SHCBP1L: variants seen among roughly 807,000 people sequenced by gnomAD.
SHCBP1L encodes the protein testicular spindle-associated protein SHCBP1L.
Under a neutral mutation model 62.5 loss-of-function variants are expected in SHCBP1L, and 67 were observed. The observed-to-expected ratio is 1.07, with a 90% CI of 0.88 to 1.31. SHCBP1L has a LOEUF of 1.31. Ranked by LOEUF, SHCBP1L falls within the 40% of genes most tolerant of loss-of-function variation. SHCBP1L has a pLI of 0.00. For missense variants in SHCBP1L, 823 were observed against 809.8 expected, an observed-to-expected ratio of 1.02 and a Z score of -0.20; for synonymous variants, 284 against 289.4, an observed-to-expected ratio of 0.98 and a Z score of 0.19.
chr1:182,903,260 T>C (rs752455690), intron 8 of SHCBP1L, 99 bp from the exon 9 acceptor site: 44 of 1,062,474 alleles, frequency 4.1e-5, no homozygotes, highest in Non-Finnish European at 5.2e-5. Context: ...ATTACCACTA[T>C]AAACATTGAG....
chr1:182,939,853 T>A (rs1651299683), intron 3 of SHCBP1L, among the ~76,000 whole-genome samples: 1 of 152,156 alleles, frequency 6.6e-6, no homozygotes, highest in Non-Finnish European at 1.5e-5. Flanking sequence ...CAAATTTGTA[T>A]GGGAGGAAAA....
chr1:182,924,759 A>G (rs890303304), intron 6 of SHCBP1L, among the ~76,000 whole-genome samples: 1 of 112,584 alleles, frequency 8.9e-6, no homozygotes, highest in East Asian at 2.6e-4. Flanking sequence ...AAAGAAAGAA[A>G]GAAAGAAAGA....
chr1:182,940,319 G>C lies in SHCBP1L; in HGVS notation c.770+10C>G. Reference sequence around the variant, plus strand: ...ATAAATTTAATTTTCAAAAGTAAAGGCCCTAATACCTGACAACTTCCAAGG... The same window carrying C: ...ATAAATTTAATTTTCAAAAGTAAAGCCCCTAATACCTGACAACTTCCAAGG... On this transcript the variant is annotated intron_variant, in intron 3 of 9. Coordinates refer to ENST00000367547, the MANE Select transcript of SHCBP1L (RefSeq NM_030933.4). 1 of 1,604,904 alleles carries C rather than the reference G, an allele frequency of 6.2e-7. No individual in the cohort carries two copies. The highest frequency in any genetic ancestry group is 8.5e-7 in the Non-Finnish European group (1 of 1,174,718).
rs1571364549 is a variant in SHCBP1L at position 182,952,431 on chromosome 1, C to T, written c.405+298G>A. 1.4e-4 allele frequency: 46 copies of T among 339,608 alleles called. No individual in the cohort carries two copies. The East Asian group carries it at 2.3e-3, about 17-fold the overall frequency. The allele number at this position is 339,608 out of a possible 1,614,324, so 21.0% of individuals were successfully genotyped here. A position where few individuals can be genotyped will look rare whatever the true frequency, so the allele number is the denominator to read the frequency against. ...AAAGGTACCAAGATTCATGCCTGTG[C>T]AATGATAAGGCCAATATATCTTCAT... On this transcript the variant is annotated intron_variant, in intron 1 of 9. Transcript: ENST00000367547.
intron 5 of SHCBP1L, among the ~76,000 whole-genome samples, chr1:182,936,130 G>GTTTTTTTTTTTTTTT (rs71127329): frequency 2.2e-4 from 14 of 63,986 alleles, no homozygotes; most frequent in Admixed American, 6.6e-4. Flanking sequence ...TTTGTTTTTT[G>GTTTTTTTTTTTTTTT]TTTTTTTTTT....
chr1:182,924,974 G>GAAAGAAAA lies in SHCBP1L; in HGVS notation c.1182+4672_1182+4673insTTTTCTTT, dbSNP rs1344712194. 3.0e-3 allele frequency among the ~76,000 whole-genome samples: 330 copies of GAAAGAAAA among 109,478 alleles called. 1 individual carries two copies. Among genetic ancestry groups the GAAAGAAAA allele is most frequent in the South Asian group, 9.2e-3 (31 of 3,356 alleles). 71.8% of individuals were successfully genotyped at this position (109,478 alleles called of 152,430 possible). A position where few individuals can be genotyped will look rare whatever the true frequency, so the allele number is the denominator to read the frequency against. The stretch of plus-strand genomic sequence containing the variant: ...AGAAAGAAAGAAAGAAAGAAAGAAA[G>GAAAGAAAA]AAAAAAAAAGGAAGAAGGAAAGGAA... On this transcript the variant is annotated intron_variant, in intron 6 of 9. Transcript: ENST00000367547.
At chr1:182,933,314 T>A (rs1394050286) in intron 5 of SHCBP1L, among the ~76,000 whole-genome samples, 1 of 152,222 alleles carries the variant, frequency 6.6e-6, no homozygotes, top group Non-Finnish European at 1.5e-5. Context: ...TTCCAATCTG[T>A]ATGCTTTTTA....
rs772984933 is a variant in SHCBP1L, at chr1:182,924,974, GAAAAAAA to G, written c.1182+4666_1182+4672del. ...AGAAAGAAAGAAAGAAAGAAAGAAA[GAAAAAAA>G]AAGGAAGAAGGAAAGGAAGGAAGAA... On this transcript the variant is annotated intron_variant, in intron 6 of 9. Coordinates refer to ENST00000367547, the MANE Select transcript of SHCBP1L (RefSeq NM_030933.4). Among the ~76,000 whole-genome samples, 3 of 109,578 alleles carry G rather than the reference GAAAAAAA, an allele frequency of 2.7e-5. No individual in the cohort carries two copies. In the South Asian group the frequency reaches 8.9e-4, roughly 33 times the overall value. 71.9% of individuals were successfully genotyped at this position (109,578 alleles called of 152,430 possible).
Position 182,929,684 on chromosome 1 carries a change from A to G in SHCBP1L, c.1145T>C (p.Ile382Thr). The G allele has an allele frequency of 6.3e-7, 1 of 1,592,346 alleles. No individual in the cohort carries two copies. The highest frequency in any genetic ancestry group is 8.5e-7 in the Non-Finnish European group (1 of 1,174,330). ...RKGKREFGKTITHIVAKMMTT... is the reference protein window; with the variant it reads ...RKGKREFGKTTTHIVAKMMTT... Reference sequence around the variant, plus strand: ...CATCATTTTTGCTACAATATGTGTTATAGTCTTTCCAAATTCTCTTTTTCC... The same window carrying G: ...CATCATTTTTGCTACAATATGTGTTGTAGTCTTTCCAAATTCTCTTTTTCC... The change falls in exon 6 of 10, where the codon ATA becomes ACA. Residue 382 changes from isoleucine (I) to threonine (T), a missense_variant. By Grantham distance (89) the Ile-to-Thr change is moderately conservative (BLOSUM62 -1). Transcript: ENST00000367547.
At chr1:182,936,130 G>GTTTTTTTTTTTTTTTTTTT (rs71127329) in intron 5 of SHCBP1L, among the ~76,000 whole-genome samples, 12 of 63,992 alleles carry the variant, frequency 1.9e-4, no homozygotes, top group Non-Finnish European at 3.2e-4. Context: ...TTTGTTTTTT[G>GTTTTTTTTTTTTTTTTTTT]TTTTTTTTTT....
intron 9 of SHCBP1L, among the ~76,000 whole-genome samples, chr1:182,901,928 A>T (rs1649851934): frequency 6.6e-6 from 1 of 152,358 alleles, no homozygotes; most frequent in Non-Finnish European, 1.5e-5. Flanking sequence ...ATTCTGATGC[A>T]TGCTAACATT....
At chr1:182,936,637 C>A (rs1217506678) in intron 5 of SHCBP1L, among the ~76,000 whole-genome samples, 1 of 152,154 alleles carries the variant, frequency 6.6e-6, no homozygotes, top group Non-Finnish European at 1.5e-5. Context: ...TATTCCAATT[C>A]TATCCTCCCA....
At chr1:182,911,932 G>A (rs1368829546) in intron 6 of SHCBP1L, among the ~76,000 whole-genome samples, 4 of 152,162 alleles carry the variant, frequency 2.6e-5, no homozygotes, top group African/African-American at 9.7e-5. Context: ...AGAAAAGGGT[G>A]TGCTGTTACT....
At chr1:182,940,577 G>T (rs771791640) in intron 2 of SHCBP1L, 34 bp from the exon 3 acceptor site, 2 of 1,559,998 alleles carry the variant, frequency 1.3e-6, no homozygotes, top group African/African-American at 2.7e-5. Context: ...AAGAGATATA[G>T]TTATAAATAT....
chr1:182,934,788 T>C (rs1651113706), intron 5 of SHCBP1L, among the ~76,000 whole-genome samples: 1 of 152,164 alleles, frequency 6.6e-6, no homozygotes, highest in Non-Finnish European at 1.5e-5. Context: ...CTATGAGTCT[T>C]ATAGTTTTGA....
chr1:182,933,784 G>A lies in SHCBP1L; in HGVS notation c.1077-4032C>T, dbSNP rs980269039. Among the ~76,000 whole-genome samples the A allele has an allele frequency of 2.0e-5, 3 of 152,118 alleles. 1 individual carries two copies. The highest frequency in any genetic ancestry group is 4.1e-4 in the South Asian group (2 of 4,820). On this transcript the variant is annotated intron_variant, in intron 5 of 9. Transcript: ENST00000367547. The stretch of plus-strand genomic sequence containing the variant: ...GTATCTATATTCATTAGTGATATTC[G>A]TGTAGGTTTTCTTTTCTTGTGATGT...
At chr1:182,915,195 A>AAAAAAAAT (rs1650317948) in intron 6 of SHCBP1L, among the ~76,000 whole-genome samples, 1 of 130,550 alleles carries the variant, frequency 7.7e-6, no homozygotes, top group African/African-American at 2.9e-5. Context: ...AAAAAAAAAA[A>AAAAAAAAT]GAATCTCACT....
intron 5 of SHCBP1L, among the ~76,000 whole-genome samples, chr1:182,937,096 A>G (rs1189478874): frequency 6.6e-6 from 1 of 151,876 alleles, no homozygotes; most frequent in Non-Finnish European, 1.5e-5. Context: ...TGATAATAAA[A>G]TAATTTATTT....
intron 6 of SHCBP1L, among the ~76,000 whole-genome samples, chr1:182,910,059 T>C (rs1223840206): frequency 2.0e-5 from 3 of 152,220 alleles, no homozygotes; most frequent in African/African-American, 7.2e-5. Flanking sequence ...CATATCTCAC[T>C]GCATTCAGGA....
Sources: gnomAD v4.1 joint callset for allele counts (sites outside exome capture counted in the v4.1 genomes callset) on GRCh38, gnomAD v4.1.1 for gene constraint, MANE v1.5 for transcripts, NCBI Gene and HGNC (gene_info 2026-07-23, HGNC 2026-07-21) for gene names.